NRSN1: variants seen among roughly 807,000 people sequenced by gnomAD.
The protein encoded by NRSN1 is neurensin 1.
Under a neutral mutation model 17.3 loss-of-function variants are expected in NRSN1, and 14 were observed. The ratio of observed to expected loss-of-function variants is 0.81; its 90% CI spans 0.54 to 1.27. NRSN1 has a LOEUF of 1.27. Ranked by LOEUF, NRSN1 falls within the 50% of genes most tolerant of loss-of-function variation. The probability of loss-of-function intolerance (pLI) is 0.00; values close to 1 mark genes in which losing one functional copy is unlikely to be tolerated. For synonymous variants in NRSN1, 79 were observed against 94.2 expected (o/e 0.84, Z 0.93); for missense variants, 209 against 235.9 (o/e 0.89, Z 0.75).
At chr6:24,138,786 G>T (rs1038736383) in intron 3 of NRSN1, among the ~76,000 whole-genome samples, 3 of 152,236 alleles carry the variant, frequency 2.0e-5, no homozygotes, top group Admixed American at 6.5e-5. Context: ...TCAAAGTTTT[G>T]CTAGATACTG....
At position 24,127,770 on chromosome 6, in the gene NRSN1, G is replaced by A. The variant is rs530765301; in HGVS notation, c.-82-358G>A. On this transcript the variant is annotated intron_variant, in intron 1 of 3. Transcript: ENST00000378491. ...CATTCTGAAGTATCTAGGAAGCAAG[G>A]AACTTTTTTAAATTTAGAATTTGTA... is the stretch of plus-strand genomic sequence containing the variant. 8.2e-4 allele frequency among the ~76,000 whole-genome samples: 125 copies of A among 152,180 alleles called. 2 individuals carry two copies. The highest frequency in any genetic ancestry group is 3.6e-3 in the Admixed American group (55 of 15,288).
intron 3 of NRSN1, chr6:24,141,187 A>G: frequency 7.9e-7 from 1 of 1,265,036 alleles, no homozygotes; most frequent in Non-Finnish European, 1.0e-6. Flanking sequence ...CAACCTCTGC[A>G]TTGCAATTTT....
intron 2 of NRSN1, chr6:24,129,404 G>A (rs1392334797): frequency 6.6e-6 from 1 of 152,186 alleles, no homozygotes; most frequent in Non-Finnish European, 1.5e-5. Context: ...GTAGAACTCT[G>A]CAGGAAGTTT....
chr6:24,136,138 T>C (rs1760116269), intron 3 of NRSN1, among the ~76,000 whole-genome samples: 2 of 152,190 alleles, frequency 1.3e-5, no homozygotes, highest in African/African-American at 4.8e-5. Flanking sequence ...ATGGTGATAC[T>C]TATAGCACCA....
chr6:24,142,212 T>TTTTTTTTTTTTTTC lies in NRSN1; in HGVS notation c.190-3334_190-3333insTTTTTTTTTTTCTT, dbSNP rs1484150562. Among the ~76,000 whole-genome samples, 409 of 134,560 alleles carry TTTTTTTTTTTTTTC rather than the reference T, an allele frequency of 3.0e-3. 17 individuals are homozygous for TTTTTTTTTTTTTTC. The highest frequency in any genetic ancestry group is 8.7e-3 in the Middle Eastern group (2 of 230). The allele number at this position is 134,560 out of a possible 152,430, so 88.3% of individuals were successfully genotyped here. A position where few individuals can be genotyped will look rare whatever the true frequency, so the allele number is the denominator to read the frequency against. ...ACAGCTTTTTTTTTTTTTTTTTTTT[T>TTTTTTTTTTTTTTC]TTCAGAAGACATCCTATTGACTCTT... On this transcript the variant is annotated intron_variant, in intron 3 of 3. Coordinates refer to ENST00000378491, the MANE Select transcript of NRSN1 (RefSeq NM_080723.5).
intron 1 of NRSN1, among the ~76,000 whole-genome samples, chr6:24,126,980 G>C (rs758032274): frequency 1.3e-5 from 2 of 152,210 alleles, no homozygotes; most frequent in African/African-American, 4.8e-5. Context: ...AGAGCTCCTT[G>C]GGCGCCACAT....
At chr6:24,144,068 G>A (rs1221005402) in intron 3 of NRSN1, among the ~76,000 whole-genome samples, 1 of 152,126 alleles carries the variant, frequency 6.6e-6, no homozygotes, top group Non-Finnish European at 1.5e-5. Flanking sequence ...TAGAACTTGA[G>A]CTAATGCAGT....
chr6:24,129,539 T>A (rs1160055617), intron 2 of NRSN1: 1 of 152,172 alleles, frequency 6.6e-6, no homozygotes, highest in East Asian at 1.9e-4. Context: ...GAATATCAGA[T>A]AGTAACAAGT....
chr6:24,140,957 C>T, intron 3 of NRSN1: 1 of 1,369,862 alleles, frequency 7.3e-7, no homozygotes, highest in Non-Finnish European at 9.5e-7. Context: ...CTCCCACAGC[C>T]AAGAGTGGAA....
chr6:24,142,846 G>C (rs999544261), intron 3 of NRSN1, among the ~76,000 whole-genome samples: 1 of 152,180 alleles, frequency 6.6e-6, no homozygotes, highest in Non-Finnish European at 1.5e-5. Context: ...CCACAGGGTG[G>C]AAAGAGACCA....
chr6:24,134,004 TTGTGTGTGTG>T (rs71002461), intron 2 of NRSN1, among the ~76,000 whole-genome samples: 4 of 132,946 alleles, frequency 3.0e-5, no homozygotes, highest in South Asian at 2.8e-4. Context: ...ACCCAGCTAA[TTGTGTGTGTG>T]TGTGTGTGTG....
chr6:24,141,729 T>C (rs1305042384), intron 3 of NRSN1, among the ~76,000 whole-genome samples: 1 of 152,222 alleles, frequency 6.6e-6, no homozygotes, highest in East Asian at 1.9e-4. Context: ...TCGAAAGCAC[T>C]GCTCAGCTGA....
At chr6:24,130,946 TC>T (rs1396555015) in intron 2 of NRSN1, among the ~76,000 whole-genome samples, 1 of 152,178 alleles carries the variant, frequency 6.6e-6, no homozygotes, top group Non-Finnish European at 1.5e-5. Context: ...AATGAGCTTG[TC>T]TGGAATCTCC....
chr6:24,133,446 G>T (rs772761950), intron 2 of NRSN1, among the ~76,000 whole-genome samples: 18 of 152,200 alleles, frequency 1.2e-4, no homozygotes, highest in Non-Finnish European at 2.1e-4. Flanking sequence ...GTCAGAGGAA[G>T]ATACATGAGA....
Position 24,144,032 on chromosome 6 carries a change from T to C in NRSN1, c.190-1516T>C, listed in dbSNP as rs368014061. Among the ~76,000 whole-genome samples the C allele has an allele frequency of 1.4e-4, 21 of 152,344 alleles. No homozygotes were observed. In the South Asian group the frequency reaches 4.1e-3, roughly 30 times the overall value. ...ATTGACCACCAAATGGTACATCATT[T>C]CCATCTTTAGTATGTTACATTTCAT... is the stretch of plus-strand genomic sequence containing the variant. On this transcript the variant is annotated intron_variant, in intron 3 of 3. Transcript: ENST00000378491.
chr6:24,143,666 T>A (rs1319925880), intron 3 of NRSN1, among the ~76,000 whole-genome samples: 1 of 152,212 alleles, frequency 6.6e-6, no homozygotes, highest in African/African-American at 2.4e-5. Flanking sequence ...TGTTAGCTAT[T>A]CCTTATTCCA....
chr6:24,133,057 C>A (rs1158884646), intron 2 of NRSN1, among the ~76,000 whole-genome samples: 2 of 151,328 alleles, frequency 1.3e-5, no homozygotes, highest in African/African-American at 4.8e-5. Context: ...TTTTTTTTAA[C>A]CATGATTAGT....
At chr6:24,142,202 T>TTTTTTTTTTTTTTTTC (rs1760220303) in intron 3 of NRSN1, among the ~76,000 whole-genome samples, 1 of 143,236 alleles carries the variant, frequency 7.0e-6, no homozygotes, top group Non-Finnish European at 1.5e-5. Context: ...TTTTTTTTTT[T>TTTTTTTTTTTTTTTTC]TTTTTTTTTT....
At chr6:24,127,146 A>G (rs1161367571) in intron 1 of NRSN1, among the ~76,000 whole-genome samples, 2 of 152,130 alleles carry the variant, frequency 1.3e-5, no homozygotes, top group Non-Finnish European at 2.9e-5. Context: ...GGGAGGGAAG[A>G]AGAGGAGAAT....
Sources: allele counts gnomAD v4.1 joint callset (sites outside exome capture counted in the v4.1 genomes callset), GRCh38; gene constraint gnomAD v4.1.1; transcripts MANE v1.5; gene names NCBI Gene and HGNC (gene_info 2026-07-23, HGNC 2026-07-21).